Variants in DENND1B observed in about 807,000 individuals in gnomAD.
The protein encoded by DENND1B is DENN domain-containing protein 1B.
DENND1B carries 59 observed loss-of-function variants against 90.1 expected under a neutral mutation model. The observed-to-expected ratio is 0.65, with a 90% CI of 0.53 to 0.81. The LOEUF (loss-of-function observed/expected upper bound fraction) is 0.81. Among genes scored for constraint, DENND1B ranks in the 40% least tolerant of loss-of-function variants. The pLI, the probability that DENND1B is intolerant of heterozygous loss-of-function variation, is 0.00. For synonymous variants in DENND1B, 337 were observed against 324.6 expected, an observed-to-expected ratio of 1.04 and a Z score of -0.41; for missense variants, 862 against 912.6, an observed-to-expected ratio of 0.94 and a Z score of 0.71.
In DENND1B at chr1:197,770,433, G is replaced by A. The variant is rs1656281944; in HGVS notation, c.82+2435C>T. ...TGGAAAAGAGCAAAAAGAGGAAGAA[G>A]GGAGTAAACCACTCAAAAGCCTTTA... is the stretch of plus-strand genomic sequence containing the variant. On this transcript the variant is annotated intron_variant, in intron 2 of 22. Coordinates refer to ENST00000620048, the MANE Select transcript of DENND1B (RefSeq NM_001195215.2). 2.6e-5 allele frequency among the ~76,000 whole-genome samples: 4 copies of A among 151,844 alleles called. No homozygotes were observed. The South Asian group carries it at 6.2e-4, about 24-fold the overall frequency.
chr1:197,563,206 A>G (rs1227443055), intron 15 of DENND1B, among the ~76,000 whole-genome samples: 3 of 152,018 alleles, frequency 2.0e-5, no homozygotes, highest in Non-Finnish European at 2.9e-5. Context: ...ACATTTCCCA[A>G]TGAGGATGAA....
intron 16 of DENND1B, among the ~76,000 whole-genome samples, chr1:197,548,247 A>G (rs897816299): frequency 6.6e-6 from 1 of 152,182 alleles, no homozygotes; most frequent in Non-Finnish European, 1.5e-5. Context: ...TTTGAACTGT[A>G]CTTTTCTACT....
At chr1:197,732,548 C>A (rs186011818) in intron 2 of DENND1B, among the ~76,000 whole-genome samples, 1 of 152,254 alleles carries the variant, frequency 6.6e-6, no homozygotes, top group East Asian at 1.9e-4. Context: ...AGTTAAAAGA[C>A]ACCATGGCAG....
At chr1:197,742,813 A>G (rs1380843124) in intron 2 of DENND1B, among the ~76,000 whole-genome samples, 2 of 152,226 alleles carry the variant, frequency 1.3e-5, no homozygotes, top group Non-Finnish European at 2.9e-5. Context: ...TAAGGGTCAT[A>G]TTAAGTCTCT....
intron 15 of DENND1B, among the ~76,000 whole-genome samples, chr1:197,563,629 G>T (rs190405134): frequency 5.5e-4 from 83 of 152,064 alleles, no homozygotes; most frequent in Middle Eastern, 3.4e-3. Context: ...TTTCATGCCT[G>T]CTAAAACAAT....
At chr1:197,651,082 TAAC>T (rs1267713963) in intron 7 of DENND1B, among the ~76,000 whole-genome samples, 4 of 152,050 alleles carry the variant, frequency 2.6e-5, no homozygotes, top group African/African-American at 4.8e-5. Flanking sequence ...ACAATAAAGA[TAAC>T]AACTTCCCTG....
chr1:197,545,028 G>GAGA lies in DENND1B; in HGVS notation c.1350+893_1350+894insTCT, dbSNP rs1192143504. 3.3e-3 allele frequency among the ~76,000 whole-genome samples: 364 copies of GAGA among 109,210 alleles called. 8 individuals are homozygous for GAGA. Among genetic ancestry groups the GAGA allele is most frequent in the African/African-American group, 0.012 (335 of 28,786 alleles). 71.6% of individuals were successfully genotyped at this position (109,210 alleles called of 152,430 possible). A position where few individuals can be genotyped will look rare whatever the true frequency, so the allele number is the denominator to read the frequency against. On this transcript the variant is annotated intron_variant, in intron 18 of 22. Transcript: ENST00000620048. ...ACGACGACGACGACGACGAAAGAAG[G>GAGA]AGGAGAAGGAGAAGGAGAAGGAGAA...
At chr1:197,567,500 T>C (rs1482495882) in intron 15 of DENND1B, among the ~76,000 whole-genome samples, 1 of 152,100 alleles carries the variant, frequency 6.6e-6, no homozygotes, top group Non-Finnish European at 1.5e-5. Context: ...GTGGCCAGCA[T>C]TACTCTCACA....
At chr1:197,718,876 T>G (rs1044728605) in intron 2 of DENND1B, among the ~76,000 whole-genome samples, 1 of 152,108 alleles carries the variant, frequency 6.6e-6, no homozygotes, top group Non-Finnish European at 1.5e-5. Context: ...TAAAGCTGGA[T>G]TGGCAAGGGA....
chr1:197,512,220 C>T (rs1010958426), intron 21 of DENND1B, among the ~76,000 whole-genome samples: 3 of 151,658 alleles, frequency 2.0e-5, no homozygotes, highest in Non-Finnish European at 3.0e-5. Flanking sequence ...GGGACCTTTA[C>T]TTTAGGAATA....
At chr1:197,677,611 A>T (rs1292081139) in intron 3 of DENND1B, among the ~76,000 whole-genome samples, 3 of 152,164 alleles carry the variant, frequency 2.0e-5, no homozygotes, top group African/African-American at 7.2e-5. Flanking sequence ...AAAGAAGATG[A>T]AGAGGTTTTA....
intron 15 of DENND1B, among the ~76,000 whole-genome samples, chr1:197,579,430 CT>C (rs1243871639): frequency 2.6e-5 from 4 of 152,034 alleles, no homozygotes; most frequent in Admixed American, 2.0e-4. Context: ...CTTTTTTCTC[CT>C]ATTTAAATAA....
intron 2 of DENND1B, chr1:197,735,649 T>A (rs116648413): frequency 2.5e-6 from 4 of 1,614,186 alleles, no homozygotes; most frequent in Non-Finnish European, 2.5e-6. Flanking sequence ...AAGGTCGAGC[T>A]ATGCGGTTTC....
At chr1:197,694,725 C>G (rs1187485744) in intron 3 of DENND1B, among the ~76,000 whole-genome samples, 1 of 151,216 alleles carries the variant, frequency 6.6e-6, no homozygotes, top group African/African-American at 2.4e-5. Flanking sequence ...TATTTAATTT[C>G]TATAGATTGC....
chr1:197,578,489 C>T (rs753951557), intron 15 of DENND1B, among the ~76,000 whole-genome samples: 25 of 152,112 alleles, frequency 1.6e-4, no homozygotes, highest in Non-Finnish European at 3.1e-4. Context: ...AGGTGATCCA[C>T]CCCCATCAGC....
At chr1:197,615,293 G>C (rs1223692555) in intron 11 of DENND1B, among the ~76,000 whole-genome samples, 1 of 151,116 alleles carries the variant, frequency 6.6e-6, no homozygotes, top group African/African-American at 2.4e-5. Flanking sequence ...ATGGATGAAT[G>C]AATCAACAAA....
rs548952042 is a variant in DENND1B at position 197,625,061 on chromosome 1, A to G, written c.673-7302T>C. On this transcript the variant is annotated intron_variant, in intron 10 of 22. Coordinates refer to ENST00000620048, the MANE Select transcript of DENND1B (RefSeq NM_001195215.2). ...TCTGATTGGTGTACCTGGAAGTGAC[A>G]GGGAGAATGGAACCAAGTTGGAAAA... Among the ~76,000 whole-genome samples, 10 of 152,034 alleles carry G rather than the reference A, an allele frequency of 6.6e-5. No homozygotes were observed. In the East Asian group the frequency reaches 9.7e-4, roughly 15 times the overall value.
chr1:197,648,449 T>C (rs1680927496), intron 7 of DENND1B, among the ~76,000 whole-genome samples: 1 of 152,176 alleles, frequency 6.6e-6, no homozygotes, highest in South Asian at 2.1e-4. Context: ...TTTTTTGAGA[T>C]GTACTTTTGT....
At position 197,715,040 on chromosome 1, in the gene DENND1B, A is replaced by G. The variant is rs1660512003; in HGVS notation, c.117T>C (p.Phe39=). Residue 39 remains phenylalanine, a synonymous_variant, in exon 3 of 23, where the codon TTT becomes TTC. Transcript: ENST00000620048. ...PVVLWKFPED[F]GDQEILQSVP... ...ATTATGTGGTACCAACCTGGTCTCC[A>G]AAGTCCTCTGGGAATTTCCACAATA... The G allele has an allele frequency of 6.2e-7, 1 of 1,611,274 alleles. No individual in the cohort carries two copies. Among genetic ancestry groups the G allele is most frequent in the African/African-American group, 1.3e-5 (1 of 74,868 alleles).
Sources: allele counts gnomAD v4.1 joint callset (sites outside exome capture counted in the v4.1 genomes callset), GRCh38; gene constraint gnomAD v4.1.1; transcripts MANE v1.5; gene names NCBI Gene and HGNC (gene_info 2026-07-23, HGNC 2026-07-21).